Variants in SPAG16 observed in about 807,000 individuals in gnomAD.
The protein encoded by SPAG16 is sperm associated antigen 16, also known as sperm-associated antigen 16 protein.
A neutral mutation model predicts 80.4 loss-of-function variants in SPAG16; 86 were observed. That is an observed-to-expected ratio of 1.07 (90% confidence interval 0.90 to 1.28). The LOEUF (loss-of-function observed/expected upper bound fraction) is 1.28. SPAG16 is among the 50% of genes most tolerant of loss of function. SPAG16 has a pLI of 0.00. For synonymous variants in SPAG16, 294 were observed against 265.9 expected, an observed-to-expected ratio of 1.11 and a Z score of -1.03; for missense variants, 870 against 765.3, an observed-to-expected ratio of 1.14 and a Z score of -1.61.
chr2:214,027,869 G>A (rs2048215254), intron 13 of SPAG16, among the ~76,000 whole-genome samples: 2 of 151,866 alleles, frequency 1.3e-5, no homozygotes, highest in Admixed American at 1.3e-4. Flanking sequence ...CAAACTAGTT[G>A]AACATTTTTT....
chr2:213,718,066 A>G (rs987686009), intron 10 of SPAG16, among the ~76,000 whole-genome samples: 1 of 151,390 alleles, frequency 6.6e-6, no homozygotes, highest in Non-Finnish European at 1.5e-5. Flanking sequence ...AAGGCAACCT[A>G]CAGAATGGGA....
intron 9 of SPAG16, among the ~76,000 whole-genome samples, chr2:213,378,245 A>G (rs987630536): frequency 3.9e-5 from 6 of 152,100 alleles, no homozygotes; most frequent in East Asian, 1.9e-4. Context: ...CTCAAATGTT[A>G]ATCTCCTTTG....
intron 15 of SPAG16, among the ~76,000 whole-genome samples, chr2:214,326,912 T>C (rs1274886589): frequency 8.3e-6 from 1 of 119,822 alleles, no homozygotes; most frequent in African/African-American, 3.3e-5. Flanking sequence ...ACCACTGCGC[T>C]CCAGCCTGGG....
chr2:213,825,007 A>T (rs1478990191), intron 10 of SPAG16, among the ~76,000 whole-genome samples: 1 of 149,386 alleles, frequency 6.7e-6, no homozygotes, highest in African/African-American at 2.5e-5. Flanking sequence ...TACTTTCTTG[A>T]TTTTTTTTTC....
intron 12 of SPAG16, among the ~76,000 whole-genome samples, chr2:213,946,752 T>C (rs1245421954): frequency 6.6e-6 from 1 of 152,174 alleles, no homozygotes. Context: ...TTTTATCACA[T>C]GTGTAGATTA....
chr2:214,111,538 G>C (rs2053663925), intron 14 of SPAG16, among the ~76,000 whole-genome samples: 1 of 152,292 alleles, frequency 6.6e-6, no homozygotes, highest in Non-Finnish European at 1.5e-5. Context: ...CTGTAGCCTT[G>C]TAGTATAGTT....
At chr2:214,205,531 T>A (rs1441870823) in intron 15 of SPAG16, among the ~76,000 whole-genome samples, 1 of 152,154 alleles carries the variant, frequency 6.6e-6, no homozygotes, top group East Asian at 1.9e-4. Context: ...AACTACACAG[T>A]CAGTATTATA....
intron 15 of SPAG16, chr2:214,238,751 C>G (rs765458418): frequency 6.6e-6 from 1 of 151,290 alleles, no homozygotes; most frequent in South Asian, 2.1e-4. Flanking sequence ...AAATGTAATT[C>G]TTGAAGCTCA....
intron 11 of SPAG16, among the ~76,000 whole-genome samples, chr2:213,865,059 G>A (rs975856142): frequency 1.3e-5 from 2 of 151,960 alleles, no homozygotes; most frequent in African/African-American, 2.4e-5. Flanking sequence ...AAGACTTCAA[G>A]GTATCTCTCT....
intron 10 of SPAG16, among the ~76,000 whole-genome samples, chr2:213,621,832 T>C (rs2061798245): frequency 6.6e-6 from 1 of 152,228 alleles, no homozygotes; most frequent in East Asian, 1.9e-4. Flanking sequence ...TAAAATTGTC[T>C]AGAGAGTTGC....
At chr2:213,772,220 A>G (rs1169758023) in intron 10 of SPAG16, among the ~76,000 whole-genome samples, 4 of 151,960 alleles carry the variant, frequency 2.6e-5, no homozygotes, top group Admixed American at 2.6e-4. Context: ...AATGGGAGTT[A>G]ATTCATGATT....
At chr2:214,170,179 T>TACACAC in intron 15 of SPAG16, among the ~76,000 whole-genome samples, 1 of 123,260 alleles carries the variant, frequency 8.1e-6, no homozygotes, top group East Asian at 3.1e-4. Context: ...GGGATACACA[T>TACACAC]ACACTTAGGT....
rs527379300 is a variant in SPAG16, at chr2:213,290,330, C to T, written c.136+5711C>T. Among the ~76,000 whole-genome samples the T allele has an allele frequency of 4.8e-4, 73 of 152,268 alleles. 1 individual carries two copies. In the Middle Eastern group the frequency reaches 0.01, roughly 21 times the overall value. On this transcript the variant is annotated intron_variant, in intron 1 of 15. Coordinates refer to ENST00000331683, the MANE Select transcript of SPAG16 (RefSeq NM_024532.5). ...TGTGTCTAGGTTATGACTAGAAATA[C>T]AGAACCTGGCCTGGACTTGGATGGT...
At chr2:214,170,594 A>C (rs1182200875) in intron 15 of SPAG16, among the ~76,000 whole-genome samples, 1 of 152,048 alleles carries the variant, frequency 6.6e-6, no homozygotes, top group East Asian at 1.9e-4. Flanking sequence ...GTGATTTAGG[A>C]AACAGGGTTA....
In SPAG16 at chr2:214,108,200, T is replaced by G; in HGVS notation, c.1532T>G (p.Ile511Arg). Residue 511 changes from isoleucine to arginine, a missense_variant, in exon 14 of 16, where the codon ATA becomes AGA. Physicochemically the swap from Ile to Arg is moderately conservative, Grantham distance 97. Coordinates refer to ENST00000331683, the MANE Select transcript of SPAG16 (RefSeq NM_024532.5). ...GTTTCTGCTTTGTCTTCCTAGGGTATATGTGAGCAGTCACTTTATGGTCAC... is the reference window on the plus strand; with the variant it reads ...GTTTCTGCTTTGTCTTCCTAGGGTAGATGTGAGCAGTCACTTTATGGTCAC... Reference protein sequence around the residue: ...TLSIWDARTGICEQSLYGHMH... With the variant: ...TLSIWDARTGRCEQSLYGHMH... 1.3e-6 allele frequency: 2 copies of G among 1,586,840 alleles called. No individual in the cohort carries two copies. The highest frequency in any genetic ancestry group is 1.7e-6 in the Non-Finnish European group (2 of 1,160,206).
At chr2:213,543,668 T>G (rs1009009056) in intron 10 of SPAG16, among the ~76,000 whole-genome samples, 6 of 152,040 alleles carry the variant, frequency 3.9e-5, no homozygotes, top group African/African-American at 1.4e-4. Context: ...ACTTTGTTCT[T>G]GACCAAACAG....
chr2:214,210,093 G>T (rs527475366), intron 15 of SPAG16, among the ~76,000 whole-genome samples: 17 of 152,168 alleles, frequency 1.1e-4, no homozygotes, highest in Admixed American at 6.5e-4. Flanking sequence ...GCTGTGATTT[G>T]TATCAGCTGA....
intron 12 of SPAG16, among the ~76,000 whole-genome samples, chr2:213,936,860 C>T (rs551389288): frequency 9.9e-5 from 15 of 152,250 alleles, no homozygotes; most frequent in African/African-American, 3.4e-4. Context: ...TTCCTAGCAT[C>T]ACTTCCTTTT....
chr2:213,404,903 GT>G (rs1265638070), intron 9 of SPAG16, among the ~76,000 whole-genome samples: 2 of 151,558 alleles, frequency 1.3e-5, no homozygotes, highest in Admixed American at 6.6e-5. Flanking sequence ...TATACTTTTT[GT>G]TTAACCATTT....
Sources: gnomAD v4.1 joint callset for allele counts (sites outside exome capture counted in the v4.1 genomes callset) on GRCh38, gnomAD v4.1.1 for gene constraint, MANE v1.5 for transcripts, NCBI Gene and HGNC (gene_info 2026-07-23, HGNC 2026-07-21) for gene names.